XPO7: variants seen among roughly 807,000 people sequenced by gnomAD.
The protein encoded by XPO7 is exportin 7.
Under a neutral mutation model 144.3 loss-of-function variants are expected in XPO7, and 21 were observed. The ratio of observed to expected loss-of-function variants is 0.15; its 90% CI spans 0.10 to 0.21. The LOEUF is 0.21. Ranked by LOEUF, XPO7 falls within the 10% of genes least tolerant of loss-of-function variation. XPO7 has a pLI of 1.00. For synonymous variants in XPO7, 580 were observed against 499.6 expected (o/e 1.16, Z -2.15); for missense variants, 808 against 1,325.8 (o/e 0.61, Z 6.06).
intron 1 of XPO7, among the ~76,000 whole-genome samples, chr8:21,963,084 T>TATTTGTGGC (rs1811775748): frequency 6.6e-6 from 1 of 152,222 alleles, no homozygotes; most frequent in Admixed American, 6.5e-5. Context: ...ATTCTTTATA[T>TATTTGTGGC]ATTTGTGGCA....
intron 21 of XPO7, among the ~76,000 whole-genome samples, chr8:21,998,351 G>T (rs1460527760): frequency 6.6e-6 from 1 of 152,220 alleles, no homozygotes; most frequent in South Asian, 2.1e-4. Flanking sequence ...TGAAGCAGGA[G>T]AATGGTGTGA....
chr8:21,981,643 C>A (rs1280808599), intron 9 of XPO7, 88 bp from the exon 10 acceptor site: 91 of 1,514,888 alleles, frequency 6.0e-5, no homozygotes, highest in Non-Finnish European at 1.3e-5. Context: ...GATTCTACCC[C>A]TTCCCCCATG....
intron 1 of XPO7, among the ~76,000 whole-genome samples, chr8:21,933,838 C>A (rs1810734188): frequency 6.6e-6 from 1 of 152,056 alleles, no homozygotes; most frequent in African/African-American, 2.4e-5. Flanking sequence ...AGGAAAAAAT[C>A]TTAGAGTGTG....
chr8:21,992,297 A>G (rs1812795856), intron 19 of XPO7, among the ~76,000 whole-genome samples: 1 of 152,064 alleles, frequency 6.6e-6, no homozygotes, highest in Admixed American at 6.5e-5. Flanking sequence ...AATACTGCTC[A>G]TTAGTGACAA....
chr8:21,948,177 T>C (rs1431929274), intron 1 of XPO7, among the ~76,000 whole-genome samples: 1 of 152,238 alleles, frequency 6.6e-6, no homozygotes, highest in Non-Finnish European at 1.5e-5. Context: ...CACAATGCAG[T>C]CATGCACTGA....
chr8:21,960,399 G>A (rs143300472), intron 1 of XPO7, among the ~76,000 whole-genome samples: 43 of 152,302 alleles, frequency 2.8e-4, no homozygotes, highest in Admixed American at 8.5e-4. Flanking sequence ...TTTCTGGTGA[G>A]CACTTAAGAG....
chr8:21,948,711 T>C (rs1811271983), intron 1 of XPO7, among the ~76,000 whole-genome samples: 1 of 152,204 alleles, frequency 6.6e-6, no homozygotes. Flanking sequence ...TTATTCATCC[T>C]TCACCAGAAA....
At chr8:21,984,147 A>G (rs578005120) in intron 11 of XPO7, among the ~76,000 whole-genome samples, 1 of 152,156 alleles carries the variant, frequency 6.6e-6, no homozygotes, top group Non-Finnish European at 1.5e-5. Flanking sequence ...GTTTTGCTAC[A>G]GGAACGTTGA....
chr8:21,987,360 C>A, intron 14 of XPO7, 84 bp downstream of exon 14: 1 of 1,563,772 alleles, frequency 6.4e-7, no homozygotes, highest in South Asian at 1.2e-5. Flanking sequence ...GCTGATAGTT[C>A]ACATAACCTC....
At chr8:21,983,291 G>A (rs1295218525) in intron 11 of XPO7, among the ~76,000 whole-genome samples, 1 of 152,162 alleles carries the variant, frequency 6.6e-6, no homozygotes, top group Non-Finnish European at 1.5e-5. Context: ...TTCATACATG[G>A]TTTCTGTCTA....
At chr8:21,990,299 T>G in intron 16 of XPO7, 45 bp from the exon 17 acceptor site, 1 of 1,600,746 alleles carries the variant, frequency 6.2e-7, no homozygotes, top group South Asian at 1.1e-5. Flanking sequence ...CCTTAGAGTT[T>G]CGGCCTGCTT....
intron 1 of XPO7, among the ~76,000 whole-genome samples, chr8:21,925,047 T>A (rs189853890): frequency 2.0e-5 from 3 of 152,344 alleles, no homozygotes; most frequent in Admixed American, 2.0e-4. Context: ...GAGACTGGTT[T>A]TGTCGACATG....
At chr8:21,935,365 G>T (rs1250384325) in intron 1 of XPO7, among the ~76,000 whole-genome samples, 2 of 152,136 alleles carry the variant, frequency 1.3e-5, no homozygotes, top group African/African-American at 2.4e-5. Context: ...TTATATCAAG[G>T]TGCAGGCTTC....
At chr8:21,958,895 A>G (rs967841628) in intron 1 of XPO7, among the ~76,000 whole-genome samples, 1 of 149,878 alleles carries the variant, frequency 6.7e-6, no homozygotes. Flanking sequence ...CGGGAGGTAG[A>G]GGTTGCAGTG....
intron 1 of XPO7, among the ~76,000 whole-genome samples, chr8:21,956,057 T>A (rs1811525054): frequency 6.6e-6 from 1 of 152,116 alleles, no homozygotes; most frequent in African/African-American, 2.4e-5. Context: ...GAATTACACT[T>A]TACTTTGGTG....
At chr8:21,968,049 T>C (rs908251402) in intron 2 of XPO7, among the ~76,000 whole-genome samples, 2 of 152,174 alleles carry the variant, frequency 1.3e-5, no homozygotes, top group Admixed American at 1.3e-4. Flanking sequence ...TTCCCAGTCG[T>C]GCTTACCTAT....
chr8:21,999,023 G>A (rs574584094), intron 22 of XPO7, 68 bp from the exon 23 acceptor site: 18 of 1,580,376 alleles, frequency 1.1e-5, no homozygotes, highest in South Asian at 7.8e-5. Context: ...TGCCTTTGGA[G>A]TAGGAAGGCT....
At chr8:21,928,534 T>C (rs1290306240) in intron 1 of XPO7, among the ~76,000 whole-genome samples, 1 of 152,234 alleles carries the variant, frequency 6.6e-6, no homozygotes, top group Non-Finnish European at 1.5e-5. Context: ...CCTCGAGTTA[T>C]TTCATAACTT....
chr8:21,920,401 G>A (rs1462434861), intron 1 of XPO7, among the ~76,000 whole-genome samples: 3 of 151,988 alleles, frequency 2.0e-5, no homozygotes, highest in African/African-American at 7.2e-5. Flanking sequence ...TCCAAAATGG[G>A]TGCTCAGGCC....
Sources: allele counts gnomAD v4.1 joint callset (sites outside exome capture counted in the v4.1 genomes callset), GRCh38; gene constraint gnomAD v4.1.1; transcripts MANE v1.5; gene names NCBI Gene and HGNC (gene_info 2026-07-23, HGNC 2026-07-21).